Variants in RASSF9 observed in about 807,000 individuals in gnomAD.
RASSF9 encodes the protein ras association domain-containing protein 9.
In RASSF9, 18 loss-of-function variants were observed where a neutral mutation model predicts 21.4. The observed-to-expected ratio is 0.84, with a 90% confidence interval of 0.58 to 1.25. The LOEUF (loss-of-function observed/expected upper bound fraction) is 1.25. Among genes scored for constraint, RASSF9 ranks in the 50% most tolerant of loss-of-function variants. The pLI, the probability that RASSF9 is intolerant of heterozygous loss-of-function variation, is 0.00. For missense variants in RASSF9, 480 were observed against 503.2 expected (o/e 0.95, Z 0.44); for synonymous variants, 183 against 179.1 (o/e 1.02, Z -0.18).
intron 1 of RASSF9, among the ~76,000 whole-genome samples, chr12:85,835,130 C>A (rs1880531214): frequency 6.6e-6 from 1 of 152,026 alleles, no homozygotes; most frequent in African/African-American, 2.4e-5. Flanking sequence ...AGTTGTATTA[C>A]TCTATATTGT....
Position 85,804,576 on chromosome 12 carries a change from T to C in RASSF9, c.*126A>G, listed in dbSNP as rs1879773202. 1.0e-6 allele frequency: 1 copy of C among 976,286 alleles called. No individual in the cohort carries two copies. The highest frequency in any genetic ancestry group is 1.4e-6 in the Non-Finnish European group (1 of 716,632). The allele number at this position is 976,286 out of a possible 1,614,324, so 60.5% of individuals were successfully genotyped here. A position where few individuals can be genotyped will look rare whatever the true frequency, so the allele number is the denominator to read the frequency against. On this transcript the variant is annotated 3_prime_UTR_variant, in exon 2 of 2. Transcript: ENST00000361228. ...ATCAGAAACAACACATTTCTCGAGTTTTTATTAACTATTGAATACTACAAT... is the reference window on the plus strand; with the variant it reads ...ATCAGAAACAACACATTTCTCGAGTCTTTATTAACTATTGAATACTACAAT...
intron 1 of RASSF9, 100 bp from the exon 2 acceptor site, chr12:85,806,062 T>C: frequency 7.7e-7 from 1 of 1,303,004 alleles, no homozygotes; most frequent in Non-Finnish European, 1.0e-6. Flanking sequence ...TTACCCTTAA[T>C]GAGAGAGGCA....
chr12:85,811,556 G>A (rs1025071443), intron 1 of RASSF9, among the ~76,000 whole-genome samples: 31 of 151,826 alleles, frequency 2.0e-4, no homozygotes, highest in African/African-American at 7.5e-4. Flanking sequence ...ACAGAATAAA[G>A]TAACTATCAC....
At position 85,805,486 on chromosome 12, in the gene RASSF9, G is replaced by A. The variant is rs756526431; in HGVS notation, c.524C>T (p.Thr175Ile). The change falls in exon 2 of 2, where the codon ACA becomes ATA. Residue 175 changes from threonine to isoleucine, a missense_variant. By Grantham distance (89) the Thr-to-Ile change is moderately conservative. Coordinates refer to ENST00000361228, the MANE Select transcript of RASSF9 (RefSeq NM_005447.4). The stretch of plus-strand genomic sequence containing the variant: ...CATATTATCTCGATCATGAGAAACT[G>A]TGTCCTGCTTAATTTTAGCCAGTTT... ...FRKLAKIKQD[T>I]VSHDRDNMET... 6.2e-7 allele frequency: 1 copy of A among 1,613,936 alleles called. No homozygotes were observed. Among genetic ancestry groups the A allele is most frequent in the South Asian group, 1.1e-5 (1 of 91,084 alleles).
At position 85,807,238 on chromosome 12, in the gene RASSF9, T is replaced by C. The variant is rs560736391; in HGVS notation, c.48-1276A>G. On this transcript the variant is annotated intron_variant, in intron 1 of 1. Coordinates refer to ENST00000361228, the MANE Select transcript of RASSF9 (RefSeq NM_005447.4). ...TAAGGATCTAGGGACAGCAATACTGTGAATGTAGTTGAAAGCTGAGGATAG... is the reference window on the plus strand; with the variant it reads ...TAAGGATCTAGGGACAGCAATACTGCGAATGTAGTTGAAAGCTGAGGATAG... 5.3e-5 allele frequency among the ~76,000 whole-genome samples: 8 copies of C among 152,066 alleles called. No individual in the cohort carries two copies. The East Asian group carries it at 1.4e-3, about 26-fold the overall frequency.
chr12:85,805,196 G>A lies in RASSF9; in HGVS notation c.814C>T (p.Arg272Ter), dbSNP rs1053694318. 3.1e-6 allele frequency: 5 copies of A among 1,613,612 alleles called. No individual in the cohort carries two copies. Among genetic ancestry groups the A allele is most frequent in the Admixed American group, 3.3e-5 (2 of 59,994 alleles). ...ESDGIEQLEERLKYYRILIDK... is the reference protein window; with the variant it reads ...ESDGIEQLEE The stretch of plus-strand genomic sequence containing the variant: ...ATGAGTATTCGGTAATATTTCAGTC[G>A]TTCTTCCAGCTGTTCAATTCCATCA... The change falls in exon 2 of 2, where the codon CGA becomes TGA. Residue 272 changes from arginine (R) to a stop codon, truncating the protein, a stop_gained. Coordinates refer to ENST00000361228, the MANE Select transcript of RASSF9 (RefSeq NM_005447.4). LOFTEE classifies it high-confidence loss of function.
chr12:85,805,268 C>A lies in RASSF9; in HGVS notation c.742G>T (p.Asp248Tyr), dbSNP rs1374806755. ...GTCTGGTTTTCCTCATACTGCAAGT[C>A]TAGATTTTGCTCAACTTCACTGAAA... ...PSFSEVEQNL[D>Y]LQYEENQTLE... Residue 248 changes from aspartate to tyrosine, a missense_variant, in exon 2 of 2, where the codon GAC becomes TAC. Physicochemically the swap from Asp to Tyr is radical, Grantham distance 160. Transcript: ENST00000361228. 1.2e-6 allele frequency: 2 copies of A among 1,613,590 alleles called. No individual in the cohort carries two copies. The highest frequency in any genetic ancestry group is 2.2e-5 in the East Asian group (1 of 44,878).
intron 1 of RASSF9, among the ~76,000 whole-genome samples, chr12:85,820,522 A>C (rs1390056388): frequency 6.6e-6 from 1 of 152,204 alleles, no homozygotes; most frequent in Non-Finnish European, 1.5e-5. Context: ...ACAATATTTA[A>C]GGTTTACATG....
intron 1 of RASSF9, among the ~76,000 whole-genome samples, chr12:85,817,581 T>A (rs1880103701): frequency 6.6e-6 from 1 of 152,004 alleles, no homozygotes; most frequent in South Asian, 2.1e-4. Flanking sequence ...GCATTTATTC[T>A]AGGTTACTTT....
rs534678867 is a variant in RASSF9, at chr12:85,803,975, G to T, written c.*727C>A. On this transcript the variant is annotated 3_prime_UTR_variant, in exon 2 of 2. Coordinates refer to ENST00000361228, the MANE Select transcript of RASSF9 (RefSeq NM_005447.4). ...TCACTCAGTGAATGAACATGGGTTT[G>T]GTCAGGAGATCTGAATTGCCAGATA... 3.3e-5 allele frequency: 5 copies of T among 152,320 alleles called. No individual in the cohort carries two copies. In the East Asian group the frequency reaches 5.8e-4, roughly 18 times the overall value. 9.4% of individuals were successfully genotyped at this position (152,320 alleles called of 1,614,324 possible). A position where few individuals can be genotyped will look rare whatever the true frequency, so the allele number is the denominator to read the frequency against.
intron 1 of RASSF9, among the ~76,000 whole-genome samples, chr12:85,820,593 T>C (rs1295890267): frequency 6.6e-6 from 1 of 152,202 alleles, no homozygotes; most frequent in East Asian, 1.9e-4. Flanking sequence ...ATGTCATTTT[T>C]TCCTCAGAAG....
chr12:85,816,688 A>G (rs1470184826), intron 1 of RASSF9, among the ~76,000 whole-genome samples: 1 of 152,182 alleles, frequency 6.6e-6, no homozygotes, highest in African/African-American at 2.4e-5. Context: ...AAATAATAAT[A>G]CAGAGAAAAA....
rs560161789 is a variant in RASSF9 at position 85,818,857 on chromosome 12, G to A, written c.48-12895C>T. Among the ~76,000 whole-genome samples, 9 of 151,360 alleles carry A rather than the reference G, an allele frequency of 5.9e-5. No individual in the cohort carries two copies. In the South Asian group the frequency reaches 1.5e-3, roughly 24 times the overall value. On this transcript the variant is annotated intron_variant, in intron 1 of 1. Transcript: ENST00000361228. ...GCCTGTAGTCCCAGCTACTCTGGAG[G>A]CAGAGGCAGGAGAATGGCGTGAACC...
intron 1 of RASSF9, among the ~76,000 whole-genome samples, chr12:85,830,335 G>A (rs1218802630): frequency 6.6e-6 from 1 of 152,076 alleles, no homozygotes; most frequent in Non-Finnish European, 1.5e-5. Context: ...CAGGAGCTGG[G>A]CCTAGGAGCA....
At chr12:85,818,687 G>A (rs868054276) in intron 1 of RASSF9, among the ~76,000 whole-genome samples, 2 of 152,138 alleles carry the variant, frequency 1.3e-5, no homozygotes, top group African/African-American at 4.8e-5. Context: ...CTTGCCGGGC[G>A]TGGTGGCTCA....
intron 1 of RASSF9, among the ~76,000 whole-genome samples, chr12:85,833,210 G>A (rs1245369464): frequency 6.6e-6 from 1 of 151,648 alleles, no homozygotes; most frequent in Non-Finnish European, 1.5e-5. Context: ...CCTTTAAAAA[G>A]TATTCACTTT....
At position 85,805,697 on chromosome 12, in the gene RASSF9, C is replaced by T; in HGVS notation, c.313G>A (p.Asp105Asn). ...ACAAATTGCATATTGGGCTGCTCATCTCCCCACGCTTTCCAAAGCTTCAGG... is the reference window on the plus strand; with the variant it reads ...ACAAATTGCATATTGGGCTGCTCATTTCCCCACGCTTTCCAAAGCTTCAGG... The part of the protein sequence containing the change: ...RILKLWKAWG[D>N]EQPNMQFVLV... Residue 105 changes from aspartate (D) to asparagine (N), a missense_variant, in exon 2 of 2, where the codon GAT (aspartate) becomes AAT (asparagine). By Grantham distance (23) the Asp-to-Asn change is conservative. Transcript: ENST00000361228. 1 of 1,613,990 alleles carries T rather than the reference C, an allele frequency of 6.2e-7. No homozygotes were observed. The highest frequency in any genetic ancestry group is 2.2e-5 in the East Asian group (1 of 44,882).
intron 1 of RASSF9, among the ~76,000 whole-genome samples, chr12:85,834,389 A>G (rs941073479): frequency 3.9e-5 from 6 of 152,014 alleles, no homozygotes; most frequent in African/African-American, 1.4e-4. Flanking sequence ...CCTTTTCATA[A>G]TTTTGCATAG....
At chr12:85,818,008 G>C (rs1316824736) in intron 1 of RASSF9, among the ~76,000 whole-genome samples, 2 of 152,134 alleles carry the variant, frequency 1.3e-5, no homozygotes, top group Non-Finnish European at 2.9e-5. Context: ...ATTTAATGTG[G>C]GATGAAGGTG....
Sources: allele counts gnomAD v4.1 joint callset (sites outside exome capture counted in the v4.1 genomes callset), GRCh38; gene constraint gnomAD v4.1.1; transcripts MANE v1.5; gene names NCBI Gene and HGNC (gene_info 2026-07-23, HGNC 2026-07-21).